The following ABHD17C variants were observed in gnomAD, a reference collection of about 807,000 sequenced individuals.
ABHD17C encodes alpha/beta hydrolase domain-containing protein 17C.
Under a neutral mutation model 27.9 loss-of-function variants are expected in ABHD17C, and 11 were observed. The observed-to-expected ratio is 0.39, with a 90% confidence interval of 0.25 to 0.65. ABHD17C has a LOEUF of 0.65. Ranked by LOEUF, ABHD17C falls within the 30% of genes least tolerant of loss-of-function variation. The probability of loss-of-function intolerance (pLI) is 0.45; values close to 1 mark genes in which losing one functional copy is unlikely to be tolerated. For synonymous variants in ABHD17C, 233 were observed against 209.1 expected (o/e 1.11, Z -0.98); for missense variants, 280 against 470.2 (o/e 0.60, Z 3.74).
chr15:80,721,213 C>CTTT (rs71455351), intron 1 of ABHD17C, among the ~76,000 whole-genome samples: 129 of 143,154 alleles, frequency 9.0e-4, no homozygotes, highest in African/African-American at 2.8e-3. Flanking sequence ...CATTTTTTGT[C>CTTT]TTTTTTTTTT....
intron 1 of ABHD17C, among the ~76,000 whole-genome samples, chr15:80,717,397 ATTT>A (rs150538003): frequency 1.4e-5 from 2 of 143,808 alleles, no homozygotes; most frequent in Non-Finnish European, 1.5e-5. Context: ...ATTACAACAA[ATTT>A]TTTTTTTTTT....
At chr15:80,724,184 TA>T (rs1202961516) in intron 1 of ABHD17C, among the ~76,000 whole-genome samples, 2 of 151,390 alleles carry the variant, frequency 1.3e-5, no homozygotes, top group Admixed American at 1.3e-4. Flanking sequence ...CAAAAAAAAT[TA>T]AAAAAAATTA....
rs1895340109 is a variant in ABHD17C, at chr15:80,749,603, A to G, written c.681A>G (p.Ala227=). The G allele has an allele frequency of 6.2e-7, 1 of 1,613,954 alleles. No homozygotes were observed. Among genetic ancestry groups the G allele is most frequent in the Non-Finnish European group, 8.5e-7 (1 of 1,179,860 alleles). The change falls in exon 2 of 3, where the codon GCA becomes GCG. Residue 227 remains alanine (A), a synonymous_variant. Coordinates refer to ENST00000258884, the MANE Select transcript of ABHD17C (RefSeq NM_021214.2). ...ACTTGGCCTCGAGGTATGAATGCGCAGCGGTAATTCTCCATTCCCCTCTGA... is the reference window on the plus strand; with the variant it reads ...ACTTGGCCTCGAGGTATGAATGCGCGGCGGTAATTCTCCATTCCCCTCTGA... ...TVDLASRYEC[A]AVILHSPLMS...
At chr15:80,744,480 A>C (rs1224571629) in intron 1 of ABHD17C, among the ~76,000 whole-genome samples, 1 of 152,156 alleles carries the variant, frequency 6.6e-6, no homozygotes, top group Non-Finnish European at 1.5e-5. Context: ...AGAATTATCT[A>C]CCTCCTTGGT....
At chr15:80,727,831 G>A (rs910080642) in intron 1 of ABHD17C, among the ~76,000 whole-genome samples, 2 of 152,154 alleles carry the variant, frequency 1.3e-5, no homozygotes, top group African/African-American at 4.8e-5. Context: ...ATTAGGGGAA[G>A]GGCTGGGGTG....
At chr15:80,741,439 T>G (rs1263026959) in intron 1 of ABHD17C, among the ~76,000 whole-genome samples, 1 of 151,372 alleles carries the variant, frequency 6.6e-6, no homozygotes, top group Non-Finnish European at 1.5e-5. Flanking sequence ...TTTTTTCTTA[T>G]TAAGTTGAGA....
rs10572505 is a variant in ABHD17C at position 80,726,501 on chromosome 15, G to GTTTTTTTTTTTTT, written c.591-22996_591-22984dup. On this transcript the variant is annotated intron_variant, in intron 1 of 2. Transcript: ENST00000258884. ...CCTTGGTTAATTGCTTCTTTTTCTG[G>GTTTTTTTTTTTTT]TTTTTTTTTTTTTTTTTTTTTTTTT... Among the ~76,000 whole-genome samples, 103 of 94,496 alleles carry GTTTTTTTTTTTTT rather than the reference G, an allele frequency of 1.1e-3. 10 individuals are homozygous for GTTTTTTTTTTTTT. The highest frequency in any genetic ancestry group is 5.3e-3 in the African/African-American group (100 of 18,714). The allele number at this position is 94,496 out of a possible 152,430, so 62.0% of individuals were successfully genotyped here.
rs774215459 is a variant in ABHD17C, at chr15:80,754,373, A to G, written c.*3A>G. 3 of 1,608,160 alleles carry G rather than the reference A, an allele frequency of 1.9e-6. No individual in the cohort carries two copies. Among genetic ancestry groups the G allele is most frequent in the Non-Finnish European group, 2.6e-6 (3 of 1,176,140 alleles). On this transcript the variant is annotated 3_prime_UTR_variant, in exon 3 of 3. Coordinates refer to ENST00000258884, the MANE Select transcript of ABHD17C (RefSeq NM_021214.2). The stretch of plus-strand genomic sequence containing the variant: ...CTCACGAACTTCCTAATTCCTGAAG[A>G]CAACAACTTGATCTTACCTCATTTA...
intron 1 of ABHD17C, among the ~76,000 whole-genome samples, chr15:80,721,758 C>T (rs985385934): frequency 1.6e-4 from 24 of 152,232 alleles, no homozygotes; most frequent in African/African-American, 4.1e-4. Flanking sequence ...AGGCCTCTCC[C>T]GCAAGAGGAA....
At position 80,727,742 on chromosome 15, in the gene ABHD17C, C is replaced by G. The variant is rs554579649; in HGVS notation, c.591-21771C>G. Among the ~76,000 whole-genome samples the G allele has an allele frequency of 3.3e-5, 5 of 152,152 alleles. No homozygotes were observed. In the East Asian group the frequency reaches 7.7e-4, roughly 24 times the overall value. On this transcript the variant is annotated intron_variant, in intron 1 of 2. Transcript: ENST00000258884. ...GGTGACATGTGTGCTGTTCTTTGGC[C>G]TGATTGCTGCTGCACCATGAATTCT...
chr15:80,699,477 A>G (rs1894542178), intron 1 of ABHD17C, among the ~76,000 whole-genome samples: 1 of 151,604 alleles, frequency 6.6e-6, no homozygotes, highest in African/African-American at 2.4e-5. Context: ...TATTCATTGT[A>G]TTGGTGTTCT....
chr15:80,730,375 A>T (rs1264146760), intron 1 of ABHD17C, among the ~76,000 whole-genome samples: 1 of 152,178 alleles, frequency 6.6e-6, no homozygotes, highest in Non-Finnish European at 1.5e-5. Flanking sequence ...TGCTGGGTGG[A>T]TGGGGATGGA....
chr15:80,728,147 G>T (rs571933991), intron 1 of ABHD17C, among the ~76,000 whole-genome samples: 4 of 152,210 alleles, frequency 2.6e-5, no homozygotes, highest in African/African-American at 9.6e-5. Flanking sequence ...TTAGAGATAG[G>T]GTATGTAGAG....
At chr15:80,715,320 G>A (rs1894789300) in intron 1 of ABHD17C, among the ~76,000 whole-genome samples, 1 of 152,324 alleles carries the variant, frequency 6.6e-6, no homozygotes, top group African/African-American at 2.4e-5. Context: ...AGATGGCTGA[G>A]GATTAGTAAA....
At chr15:80,718,992 T>C (rs539987630) in intron 1 of ABHD17C, among the ~76,000 whole-genome samples, 230 of 152,212 alleles carry the variant, frequency 1.5e-3, no homozygotes, top group African/African-American at 5.0e-3. Context: ...GCCTTTGGGG[T>C]ATTAATGGAG....
rs182777108 is a variant in ABHD17C at position 80,702,273 on chromosome 15, A to G, written c.590+6254A>G. On this transcript the variant is annotated intron_variant, in intron 1 of 2. Transcript: ENST00000258884. Reference sequence around the variant, plus strand: ...TCAGTTACTGGGAGGCTGAGGTGGGAGGATTGCTTGAGCCCAGGAGTCTCA... The same window carrying G: ...TCAGTTACTGGGAGGCTGAGGTGGGGGGATTGCTTGAGCCCAGGAGTCTCA... Among the ~76,000 whole-genome samples the G allele has an allele frequency of 3.7e-4, 57 of 152,124 alleles. 1 individual carries two copies. Among genetic ancestry groups the G allele is most frequent in the African/African-American group, 1.3e-3 (53 of 41,484 alleles).
intron 2 of ABHD17C, among the ~76,000 whole-genome samples, chr15:80,752,565 A>T (rs1412859814): frequency 6.6e-6 from 1 of 152,206 alleles, no homozygotes; most frequent in Non-Finnish European, 1.5e-5. Flanking sequence ...AAATATTAAA[A>T]GAGATTTTGT....
At chr15:80,726,513 T>TGG (rs1894979476) in intron 1 of ABHD17C, among the ~76,000 whole-genome samples, 1 of 138,384 alleles carries the variant, frequency 7.2e-6, no homozygotes, top group Non-Finnish European at 1.5e-5. Context: ...TTTTTTTTTT[T>TGG]TTTTTTTTTT....
At position 80,695,316 on chromosome 15, in the gene ABHD17C, C is replaced by G; in HGVS notation, c.-114C>G. The G allele has an allele frequency of 9.5e-6, 6 of 630,292 alleles. No homozygotes were observed. Among genetic ancestry groups the G allele is most frequent in the Non-Finnish European group, 8.2e-6 (4 of 485,350 alleles). 39.0% of individuals were successfully genotyped at this position (630,292 alleles called of 1,614,324 possible). ...CTCCTGCCGCCGGGCGGGCGGGCTGCAGCCGCCCTCCGCGCTCGCCTGCCA... is the reference window on the plus strand; with the variant it reads ...CTCCTGCCGCCGGGCGGGCGGGCTGGAGCCGCCCTCCGCGCTCGCCTGCCA... On this transcript the variant is annotated 5_prime_UTR_variant, in exon 1 of 3. Transcript: ENST00000258884. This position sits in a 1 kb window ranked among gnomAD's most constrained non-coding sequence, Gnocchi z 4.3.
Sources: allele counts gnomAD v4.1 joint callset (sites outside exome capture counted in the v4.1 genomes callset), GRCh38; gene constraint gnomAD v4.1.1; non-coding constraint Gnocchi (gnomAD v3.1); transcripts MANE v1.5; gene names NCBI Gene and HGNC (gene_info 2026-07-23, HGNC 2026-07-21).